Variants in ZFHX3 observed in about 807,000 individuals in gnomAD.
ZFHX3 encodes the protein zinc finger homeobox protein 3.
ZFHX3 carries 42 observed loss-of-function variants against 279.1 expected under a neutral mutation model. The observed-to-expected ratio is 0.15, with a 90% CI of 0.12 to 0.19. The LOEUF (loss-of-function observed/expected upper bound fraction) is 0.19, where lower values mean the gene tolerates loss of function less well. Ranked by LOEUF, ZFHX3 falls within the 10% of genes least tolerant of loss-of-function variation. The probability of loss-of-function intolerance (pLI) is 1.00; values close to 1 mark genes in which losing one functional copy is unlikely to be tolerated. For missense variants in ZFHX3, 4,981 were observed against 4,754.0 expected, an observed-to-expected ratio of 1.05 and a Z score of -1.40; for synonymous variants, 2,293 against 1,957.8, an observed-to-expected ratio of 1.17 and a Z score of -4.52.
At chr16:73,726,239 C>T (rs1441379484) in intron 1 of ZFHX3, among the ~76,000 whole-genome samples, 1 of 152,138 alleles carries the variant, frequency 6.6e-6, no homozygotes, top group African/African-American at 2.4e-5. Flanking sequence ...GTGGGGCTGG[C>T]TCTTAAATTG....
chr16:73,234,995 T>A (rs2012896852), intron 5 of ZFHX3, among the ~76,000 whole-genome samples: 1 of 152,254 alleles, frequency 6.6e-6, no homozygotes, highest in African/African-American at 2.4e-5. Flanking sequence ...CAGACAATGC[T>A]GTCTAGAAGC....
At chr16:73,674,564 G>T (rs1298997271) in intron 2 of ZFHX3, among the ~76,000 whole-genome samples, 2 of 152,286 alleles carry the variant, frequency 1.3e-5, no homozygotes, top group Admixed American at 1.3e-4. Context: ...TGTAAAGATG[G>T]CCTCACATTT....
chr16:73,210,472 G>C (rs993323454), intron 5 of ZFHX3, among the ~76,000 whole-genome samples: 2 of 152,136 alleles, frequency 1.3e-5, no homozygotes, highest in African/African-American at 4.8e-5. Flanking sequence ...TGCTTATCAA[G>C]AGTGTGTGAA....
At chr16:73,587,846 T>G (rs2051943645) in intron 2 of ZFHX3, among the ~76,000 whole-genome samples, 1 of 152,176 alleles carries the variant, frequency 6.6e-6, no homozygotes, top group Non-Finnish European at 1.5e-5. Flanking sequence ...AACATCCTTT[T>G]CAAAAAAATG....
intron 2 of ZFHX3, among the ~76,000 whole-genome samples, chr16:73,458,550 A>G (rs1306803082): frequency 1.3e-5 from 2 of 151,888 alleles, no homozygotes; most frequent in Non-Finnish European, 2.9e-5. Context: ...TAATTTTTGT[A>G]TTTCACCATA....
At chr16:73,433,786 A>T (rs758843792) in intron 3 of ZFHX3, among the ~76,000 whole-genome samples, 23 of 152,166 alleles carry the variant, frequency 1.5e-4, no homozygotes, top group Non-Finnish European at 2.8e-4. Context: ...GACAGAGCTG[A>T]GCCCACTCTG....
chr16:73,631,898 TTCTC>T (rs139812596), intron 2 of ZFHX3, among the ~76,000 whole-genome samples: 101 of 130,308 alleles, frequency 7.8e-4, no homozygotes, highest in African/African-American at 2.3e-3. Flanking sequence ...TAGAGTGGGA[TTCTC>T]TCTCTCTCTC....
At chr16:73,624,045 T>C (rs2052393189) in intron 2 of ZFHX3, among the ~76,000 whole-genome samples, 1 of 152,222 alleles carries the variant, frequency 6.6e-6, no homozygotes, top group Non-Finnish European at 1.5e-5. Flanking sequence ...CGTCCAACCA[T>C]GAGCAAATCA....
At chr16:72,949,907 TTTTC>T (rs1960895176) in intron 3 of ZFHX3, among the ~76,000 whole-genome samples, 2 of 129,156 alleles carry the variant, frequency 1.5e-5, no homozygotes, top group Admixed American at 8.3e-5. Context: ...AGGGATTTTC[TTTTC>T]TTTTTTTTTT....
chr16:73,605,755 C>G (rs190096185), intron 2 of ZFHX3, among the ~76,000 whole-genome samples: 3 of 152,000 alleles, frequency 2.0e-5, no homozygotes, highest in Admixed American at 6.6e-5. Context: ...AAGGAACAGA[C>G]AGTAAATACC....
intron 2 of ZFHX3, among the ~76,000 whole-genome samples, chr16:73,634,274 G>A (rs1452039967): frequency 1.3e-5 from 2 of 151,608 alleles, no homozygotes; most frequent in African/African-American, 4.8e-5. Context: ...GCCAAAAAGG[G>A]ATGAATTCTA....
intron 2 of ZFHX3, among the ~76,000 whole-genome samples, chr16:73,465,167 A>C (rs1044908321): frequency 1.3e-5 from 2 of 152,222 alleles, no homozygotes; most frequent in Non-Finnish European, 1.5e-5. Flanking sequence ...CACTTCCCTG[A>C]TTTCAAGGCT....
intron 1 of ZFHX3, among the ~76,000 whole-genome samples, chr16:73,020,073 C>T (rs1964248355): frequency 6.6e-6 from 1 of 152,138 alleles, no homozygotes; most frequent in African/African-American, 2.4e-5. Context: ...AGATCCTTCA[C>T]ATTCTTGGTT....
At chr16:73,429,745 C>T (rs976812703) in intron 3 of ZFHX3, among the ~76,000 whole-genome samples, 3 of 152,052 alleles carry the variant, frequency 2.0e-5, no homozygotes, top group African/African-American at 7.2e-5. Flanking sequence ...ACCCATAGGC[C>T]CCCGGTGGGA....
At chr16:73,067,824 T>G (rs1014064750) in intron 8 of ZFHX3, among the ~76,000 whole-genome samples, 20 of 152,040 alleles carry the variant, frequency 1.3e-4, no homozygotes, top group Non-Finnish European at 2.6e-4. Flanking sequence ...GATTGTCAGG[T>G]GGAAAGCTTC....
chr16:73,670,302 G>A (rs149599664), intron 2 of ZFHX3, among the ~76,000 whole-genome samples: 43 of 152,254 alleles, frequency 2.8e-4, no homozygotes, highest in African/African-American at 7.2e-4. Context: ...AAATAATGAT[G>A]CAAGAGAGAG....
intron 3 of ZFHX3, among the ~76,000 whole-genome samples, chr16:73,405,879 A>G (rs1416440743): frequency 6.6e-6 from 1 of 152,222 alleles, no homozygotes; most frequent in Non-Finnish European, 1.5e-5. Context: ...TCTTGAAAGG[A>G]GCGGAAATGC....
At chr16:73,440,137 C>T (rs1036062891) in intron 3 of ZFHX3, among the ~76,000 whole-genome samples, 5 of 152,150 alleles carry the variant, frequency 3.3e-5, no homozygotes, top group African/African-American at 1.2e-4. Flanking sequence ...GCCAAACTGC[C>T]TGGCAGCACC....
In ZFHX3 at chr16:73,591,692, CAAAAAAAAAAAA is replaced by C. The variant is rs57402211; in HGVS notation, c.-1547+88476_-1547+88487del. On this transcript the variant is annotated intron_variant, in intron 2 of 17. Transcript: ENST00000641206. ...TGGGCGACAGAGCGAGACTCTGTCT[CAAAAAAAAAAAA>C]AAAAAAAAAAAAAAGAAAAGAAAAG... Among the ~76,000 whole-genome samples the C allele has an allele frequency of 1.3e-3, 44 of 33,444 alleles. 1 individual carries two copies. In the South Asian group the frequency reaches 0.029, roughly 22 times the overall value. The allele number at this position is 33,444 out of a possible 152,430, so 21.9% of individuals were successfully genotyped here. A position where few individuals can be genotyped will look rare whatever the true frequency, so the allele number is the denominator to read the frequency against.
Sources: allele counts gnomAD v4.1 joint callset (sites outside exome capture counted in the v4.1 genomes callset), GRCh38; gene constraint gnomAD v4.1.1; transcripts MANE v1.5; gene names NCBI Gene and HGNC (gene_info 2026-07-23, HGNC 2026-07-21).